TSHZ2: variants seen among roughly 807,000 people sequenced by gnomAD.
TSHZ2 encodes the protein teashirt homolog 2.
TSHZ2 carries 21 observed loss-of-function variants against 74.4 expected under a neutral mutation model. The observed-to-expected ratio is 0.28, with a 90% confidence interval of 0.20 to 0.41. TSHZ2 has a LOEUF of 0.41. TSHZ2 is among the 10% of genes least tolerant of loss of function. The pLI, the probability that TSHZ2 is intolerant of heterozygous loss-of-function variation, is 1.00. For missense variants in TSHZ2, 1,244 were observed against 1,293.5 expected, an observed-to-expected ratio of 0.96 and a Z score of 0.59; for synonymous variants, 540 against 515.3, an observed-to-expected ratio of 1.05 and a Z score of -0.65.
At chr20:53,006,913 T>C (rs770080153) in intron 1 of TSHZ2, among the ~76,000 whole-genome samples, 7 of 131,444 alleles carry the variant, frequency 5.3e-5, no homozygotes, top group African/African-American at 2.0e-4. Flanking sequence ...TGAGTAGGAG[T>C]TGGGAGAGTT....
At chr20:53,157,722 A>G (rs1218783442) in intron 1 of TSHZ2, among the ~76,000 whole-genome samples, 1 of 152,202 alleles carries the variant, frequency 6.6e-6, no homozygotes, top group Non-Finnish European at 1.5e-5. Flanking sequence ...TTTGATAATG[A>G]AACTGATTTA....
chr20:53,123,957 G>A (rs981090380), intron 1 of TSHZ2, among the ~76,000 whole-genome samples: 5 of 152,162 alleles, frequency 3.3e-5, no homozygotes, highest in East Asian at 1.9e-4. Context: ...CAAATGGAGC[G>A]TTGGGTAATT....
At position 53,253,764 on chromosome 20, in the gene TSHZ2, T is replaced by C. The variant is rs141846925; in HGVS notation, c.306T>C (p.Asp102=). 9.0e-5 allele frequency: 146 copies of C among 1,614,062 alleles called. No individual in the cohort carries two copies. Among genetic ancestry groups the C allele is most frequent in the Admixed American group, 1.5e-4 (9 of 60,002 alleles). Reference sequence around the variant, plus strand: ...ACATCAAGAGTGTCTGCGGCAGAGATGCCTCAGACAAGAAAGCACACACTC... The same window carrying C: ...ACATCAAGAGTGTCTGCGGCAGAGACGCCTCAGACAAGAAAGCACACACTC... ...VSDIKSVCGR[D]ASDKKAHTHV... is the part of the protein sequence containing the mutation. Residue 102 remains aspartate, a synonymous_variant, in exon 2 of 3, where the codon GAT becomes GAC. Transcript: ENST00000371497.
At chr20:53,475,157 C>A (rs1163856544) in intron 2 of TSHZ2, among the ~76,000 whole-genome samples, 2 of 140,606 alleles carry the variant, frequency 1.4e-5, no homozygotes, top group Admixed American at 1.4e-4. Flanking sequence ...ACCAAGTGGA[C>A]CTAATGGACA....
intron 1 of TSHZ2, chr20:53,097,852 GC>G (rs1986098068): frequency 6.6e-6 from 1 of 152,294 alleles, no homozygotes; most frequent in East Asian, 1.9e-4. Context: ...TATTCGAGTA[GC>G]TATGCTCCCC....
intron 2 of TSHZ2, among the ~76,000 whole-genome samples, chr20:53,485,601 C>A (rs907037610): frequency 6.6e-6 from 1 of 151,834 alleles, no homozygotes; most frequent in Non-Finnish European, 1.5e-5. Flanking sequence ...CCCAGCTACT[C>A]GGGAGGCTGA....
chr20:53,265,048 ATG>A (rs569922345), intron 2 of TSHZ2, among the ~76,000 whole-genome samples: 93 of 152,218 alleles, frequency 6.1e-4, no homozygotes, highest in African/African-American at 2.0e-3. Context: ...GGATCTGCAG[ATG>A]TATCAGGGGT....
chr20:53,071,380 G>A (rs1249950487), intron 1 of TSHZ2, among the ~76,000 whole-genome samples: 3 of 152,156 alleles, frequency 2.0e-5, no homozygotes, highest in Non-Finnish European at 4.4e-5. Context: ...TCTGAACTCC[G>A]ACTGCTAAAT....
chr20:53,356,769 A>G (rs1048082703), intron 2 of TSHZ2, among the ~76,000 whole-genome samples: 1 of 152,142 alleles, frequency 6.6e-6, no homozygotes, highest in African/African-American at 2.4e-5. Flanking sequence ...ATATTTAGGA[A>G]TAGCTAGATA....
chr20:53,011,782 C>T (rs544578751), intron 1 of TSHZ2, among the ~76,000 whole-genome samples: 3 of 152,250 alleles, frequency 2.0e-5, no homozygotes, highest in Admixed American at 6.5e-5. Flanking sequence ...CTGGGAAAAT[C>T]GAACAACCCC....
intron 1 of TSHZ2, among the ~76,000 whole-genome samples, chr20:53,240,731 A>ATAGATAGATAGG (rs1349004277): frequency 2.7e-5 from 4 of 149,988 alleles, no homozygotes; most frequent in African/African-American, 9.8e-5. Flanking sequence ...TGATAGATAG[A>ATAGATAGATAGG]TAGATAGATA....
chr20:53,358,323 G>A (rs1980922727), intron 2 of TSHZ2, among the ~76,000 whole-genome samples: 1 of 134,152 alleles, frequency 7.5e-6, no homozygotes, highest in Non-Finnish European at 1.6e-5. Flanking sequence ...AAAAGTTTCT[G>A]TGGTTCTTTT....
intron 1 of TSHZ2, among the ~76,000 whole-genome samples, chr20:53,110,535 C>G (rs564759217): frequency 9.9e-5 from 15 of 151,958 alleles, no homozygotes; most frequent in Non-Finnish European, 2.1e-4. Flanking sequence ...GGCACCACTA[C>G]TCTATAAGAA....
At chr20:53,147,781 A>G (rs907893769) in intron 1 of TSHZ2, among the ~76,000 whole-genome samples, 11 of 152,186 alleles carry the variant, frequency 7.2e-5, no homozygotes, top group African/African-American at 2.7e-4. Context: ...CAGTGGTGCC[A>G]TCTCTGCTCA....
chr20:53,187,596 G>A (rs937656098), intron 1 of TSHZ2, among the ~76,000 whole-genome samples: 7 of 152,122 alleles, frequency 4.6e-5, no homozygotes, highest in Non-Finnish European at 1.0e-4. Flanking sequence ...GAACAGCTGT[G>A]GGATTTTAGC....
At chr20:53,073,660 C>T (rs563723881) in intron 1 of TSHZ2, among the ~76,000 whole-genome samples, 103 of 152,054 alleles carry the variant, frequency 6.8e-4, no homozygotes, top group Admixed American at 2.0e-3. Flanking sequence ...GGGGATGATA[C>T]GGGATGAGCT....
rs1986440781 is a variant in TSHZ2 at position 53,491,250 on chromosome 20, G to A, written c.*4115G>A. ...TAGTATCTATTTCGAACATGCATTA[G>A]GCAAAAAAGAAATCAAAACTGAAAT... On this transcript the variant is annotated 3_prime_UTR_variant, in exon 3 of 3. Transcript: ENST00000371497. 6.6e-6 allele frequency: 1 copy of A among 152,034 alleles called. No homozygotes were observed. Among genetic ancestry groups the A allele is most frequent in the Non-Finnish European group, 1.5e-5 (1 of 67,990 alleles). The allele number at this position is 152,034 out of a possible 1,614,324, so 9.4% of individuals were successfully genotyped here.
chr20:53,139,930 C>A (rs1054610443), intron 1 of TSHZ2, among the ~76,000 whole-genome samples: 2 of 152,126 alleles, frequency 1.3e-5, no homozygotes, highest in Admixed American at 1.3e-4. Flanking sequence ...TCTCTAATCC[C>A]ATCCTCTTTA....
intron 2 of TSHZ2, among the ~76,000 whole-genome samples, chr20:53,331,931 G>A (rs945821535): frequency 2.0e-5 from 3 of 152,094 alleles, no homozygotes; most frequent in East Asian, 1.9e-4. Context: ...AGTGACTCTC[G>A]GTCAGGGGTT....
Sources: allele counts gnomAD v4.1 joint callset (sites outside exome capture counted in the v4.1 genomes callset), GRCh38; gene constraint gnomAD v4.1.1; transcripts MANE v1.5; gene names NCBI Gene and HGNC (gene_info 2026-07-23, HGNC 2026-07-21).